The following PUSL1 variants were observed in gnomAD, a reference collection of about 807,000 sequenced individuals.
PUSL1 encodes the protein pseudouridine synthase like 1, also known as tRNA pseudouridine synthase-like 1.
PUSL1 carries 51 observed loss-of-function variants against 30.7 expected under a neutral mutation model. The observed-to-expected ratio is 1.66, with a 90% CI of 1.33 to 2.10. The LOEUF is 2.10. Ranked by LOEUF, PUSL1 falls within the 30% of genes most tolerant of loss-of-function variation. PUSL1 has a pLI of 0.00. For synonymous variants in PUSL1, 290 were observed against 192.1 expected, an observed-to-expected ratio of 1.51 and a Z score of -4.21; for missense variants, 609 against 427.6, an observed-to-expected ratio of 1.42 and a Z score of -3.74.
rs746943796 is a variant in PUSL1 at position 1,311,089 on chromosome 1, G to C, written c.862+18G>C. On this transcript the variant is annotated intron_variant, in intron 7 of 7. Coordinates refer to ENST00000379031, the MANE Select transcript of PUSL1 (RefSeq NM_153339.3). The stretch of plus-strand genomic sequence containing the variant: ...GAACCTCGGTAAGAAAAACAGGCAC[G>C]AGAAGCTCCTGTCATGTGCCCAGTG... 6.3e-7 allele frequency: 1 copy of C among 1,586,158 alleles called. No individual in the cohort carries two copies. The highest frequency in any genetic ancestry group is 8.6e-7 in the Non-Finnish European group (1 of 1,162,444).
At position 1,309,720 on chromosome 1, in the gene PUSL1, C is replaced by T. The variant is rs201643214; in HGVS notation, c.513C>T (p.His171=). Residue 171 remains histidine (H), a synonymous_variant, in exon 5 of 8, where the codon CAC becomes CAT. Transcript: ENST00000379031. ...DMVAMQEAAQ[H]LLGTHDFSAF... ...TCGCCATGCAGGAAGCCGCCCAGCACCTCCTCGGCACACACGACTTCAGCG... is the reference window on the plus strand; with the variant it reads ...TCGCCATGCAGGAAGCCGCCCAGCATCTCCTCGGCACACACGACTTCAGCG... 1.2e-4 allele frequency: 189 copies of T among 1,597,986 alleles called. No individual in the cohort carries two copies. In the East Asian group the frequency reaches 3.2e-3, roughly 27 times the overall value.
At chr1:1,310,341 T>C (rs1016371065) in intron 5 of PUSL1, 6 of 439,510 alleles carry the variant, frequency 1.4e-5, no homozygotes, top group Admixed American at 1.2e-4. Flanking sequence ...TCCCAGACCC[T>C]GCACCAGGAC....
In PUSL1 at chr1:1,311,596, G is replaced by C. The variant is rs1418224486; in HGVS notation, c.*217G>C. ...ATGTACACCAAGAAGAGAGTACCAA[G>C]TAGTCTTTTGTTCAGCTTTTACTGG... On this transcript the variant is annotated 3_prime_UTR_variant, in exon 8 of 8. Transcript: ENST00000379031. The C allele has an allele frequency of 1.1e-5, 8 of 717,252 alleles. No homozygotes were observed. The African/African-American group carries it at 1.4e-4, about 12-fold the overall frequency. The allele number at this position is 717,252 out of a possible 1,614,324, so 44.4% of individuals were successfully genotyped here.
rs905444078 is a variant in PUSL1, at chr1:1,311,216, C to G, written c.863-114C>G. On this transcript the variant is annotated intron_variant, in intron 7 of 7. Transcript: ENST00000379031. Reference sequence around the variant, plus strand: ...CCAGGGCTGCAGTCCCTCAGGCCAGCCCGTAGCCCGTCCTGGGCTGGCCCA... The same window carrying G: ...CCAGGGCTGCAGTCCCTCAGGCCAGGCCGTAGCCCGTCCTGGGCTGGCCCA... The G allele has an allele frequency of 3.6e-6, 5 of 1,392,670 alleles. No homozygotes were observed. In the African/African-American group the frequency reaches 5.8e-5, roughly 16 times the overall value. 86.3% of individuals were successfully genotyped at this position (1,392,670 alleles called of 1,614,324 possible).
chr1:1,310,049 G>A (rs757448575), intron 5 of PUSL1, 198 bp downstream of exon 5: 4 of 551,164 alleles, frequency 7.3e-6, no homozygotes, highest in East Asian at 3.0e-5. Flanking sequence ...GGGGAGCGGA[G>A]AACAGGGAAG....
intron 6 of PUSL1, 107 bp from the exon 7 acceptor site, chr1:1,310,802 G>C (rs769312417): frequency 1.7e-5 from 27 of 1,609,342 alleles, no homozygotes; most frequent in Non-Finnish European, 2.5e-6. Context: ...GGAGGATGAC[G>C]GCTGTGCTGG....
intron 6 of PUSL1, 85 bp downstream of exon 6, chr1:1,310,773 G>A (rs750579456): frequency 1.2e-5 from 19 of 1,609,922 alleles, no homozygotes; most frequent in African/African-American, 9.7e-5. Context: ...GGTCGTGGGC[G>A]GCTCTGGGTC....
chr1:1,311,088 C>G lies in PUSL1; in HGVS notation c.862+17C>G, dbSNP rs370050103. ...GGAACCTCGGTAAGAAAAACAGGCA[C>G]GAGAAGCTCCTGTCATGTGCCCAGT... On this transcript the variant is annotated intron_variant, in intron 7 of 7. Transcript: ENST00000379031. 1 of 1,585,682 alleles carries G rather than the reference C, an allele frequency of 6.3e-7. No homozygotes were observed. The highest frequency in any genetic ancestry group is 8.6e-7 in the Non-Finnish European group (1 of 1,162,098).
chr1:1,309,049 C>T, intron 2 of PUSL1, 37 bp from the exon 3 acceptor site: 3 of 1,401,210 alleles, frequency 2.1e-6, no homozygotes, highest in Non-Finnish European at 2.8e-6. Flanking sequence ...GGGGTCCGGC[C>T]TCGCTCACCC....
chr1:1,310,748 G>A (rs765777809), intron 6 of PUSL1, 60 bp downstream of exon 6: 1 of 1,603,162 alleles, frequency 6.2e-7, no homozygotes, highest in South Asian at 1.1e-5. Context: ...AGGCCCCTGT[G>A]CAGTCTTGGC....
At chr1:1,310,518 G>A (rs1570690226) in intron 5 of PUSL1, 116 bp from the exon 6 acceptor site, 2 of 824,228 alleles carry the variant, frequency 2.4e-6, no homozygotes, top group East Asian at 2.4e-5. Context: ...GGCCAAGCTA[G>A]TGGGAACCAG....
At position 1,308,949 on chromosome 1, in the gene PUSL1, G is replaced by T; in HGVS notation, c.112G>T (p.Val38Phe). 1.4e-6 allele frequency: 2 copies of T among 1,421,128 alleles called. No individual in the cohort carries two copies. Among genetic ancestry groups the T allele is most frequent in the South Asian group, 1.6e-5 (1 of 63,806 alleles). 88.0% of individuals were successfully genotyped at this position (1,421,128 alleles called of 1,614,324 possible). Residue 38 changes from valine to phenylalanine, a missense_variant, in exon 2 of 8, where the codon GTC becomes TTC. By Grantham distance (50) the Val-to-Phe change is conservative. Transcript: ENST00000379031. ...GGCCGTCAGGGGCACTCAGCGCGCCGTCGGGGTCCAGAACTACCTGGAGGT... is the reference window on the plus strand; with the variant it reads ...GGCCGTCAGGGGCACTCAGCGCGCCTTCGGGGTCCAGAACTACCTGGAGGT... ...VAAVRGTQRAVGVQNYLEEAA... is the reference protein window; with the variant it reads ...VAAVRGTQRAFGVQNYLEEAA...
chr1:1,309,359 C>A lies in PUSL1; in HGVS notation c.323+86C>A. The A allele has an allele frequency of 4.1e-6, 6 of 1,472,872 alleles. No homozygotes were observed. The South Asian group carries it at 7.9e-5, about 19-fold the overall frequency. The allele number at this position is 1,472,872 out of a possible 1,614,324, so 91.2% of individuals were successfully genotyped here. A position where few individuals can be genotyped will look rare whatever the true frequency, so the allele number is the denominator to read the frequency against. ...GGAGGCTGGAGATCTGGACAGACTT[C>A]CTTGTCTGGTCGGAGCTCGAGGGGG... On this transcript the variant is annotated intron_variant, in intron 3 of 7. Coordinates refer to ENST00000379031, the MANE Select transcript of PUSL1 (RefSeq NM_153339.3).
At position 1,309,178 on chromosome 1, in the gene PUSL1, G is replaced by A. The variant is rs754914300; in HGVS notation, c.228G>A (p.Ala76=). The stretch of plus-strand genomic sequence containing the variant: ...GGGTCCACGCCCTGAGCAACGCGGC[G>A]CACCTGGACGTCCAGCGCCGCTCAG... ...DAGVHALSNA[A]HLDVQRRSGR... The change falls in exon 3 of 8, where the codon GCG becomes GCA. Residue 76 remains alanine, a synonymous_variant. Coordinates refer to ENST00000379031, the MANE Select transcript of PUSL1 (RefSeq NM_153339.3). 19 of 1,536,580 alleles carry A rather than the reference G, an allele frequency of 1.2e-5. No homozygotes were observed. In the Admixed American group the frequency reaches 3.5e-4, roughly 29 times the overall value.
rs1467189767 is a variant in PUSL1 at position 1,309,138 on chromosome 1, G to A, written c.188G>A (p.Ser63Asn). The A allele has an allele frequency of 2.0e-6, 3 of 1,529,432 alleles. No homozygotes were observed. Among genetic ancestry groups the A allele is most frequent in the South Asian group, 1.2e-5 (1 of 83,322 alleles). The allele number at this position is 1,529,432 out of a possible 1,614,324, so 94.7% of individuals were successfully genotyped here. A position where few individuals can be genotyped will look rare whatever the true frequency, so the allele number is the denominator to read the frequency against. ...GAGCCGGTCAGGTTCACCATCTCCAGCCGCACGGACGCCGGGGTCCACGCC... is the reference window on the plus strand; with the variant it reads ...GAGCCGGTCAGGTTCACCATCTCCAACCGCACGGACGCCGGGGTCCACGCC... ...SVEPVRFTIS[S>N]RTDAGVHALS... Residue 63 changes from serine (S) to asparagine (N), a missense_variant, in exon 3 of 8, where the codon AGC becomes AAC. Coordinates refer to ENST00000379031, the MANE Select transcript of PUSL1 (RefSeq NM_153339.3).
At position 1,308,608 on chromosome 1, in the gene PUSL1, G is replaced by A. The variant is rs749431836; in HGVS notation, c.-36G>A. ...CGCGCGCGCGCAGGATTCCTGCGCT[G>A]GAGGCCGCCTCTGACGCCACCGGCT... On this transcript the variant is annotated 5_prime_UTR_variant, in exon 1 of 8. Transcript: ENST00000379031. The A allele has an allele frequency of 4.4e-6, 6 of 1,355,700 alleles. No individual in the cohort carries two copies. The East Asian group carries it at 2.0e-4, about 45-fold the overall frequency. The allele number at this position is 1,355,700 out of a possible 1,614,324, so 84.0% of individuals were successfully genotyped here.
chr1:1,309,548 C>A lies in PUSL1; in HGVS notation c.418C>A (p.Arg140=), dbSNP rs1641975955. Residue 140 remains arginine (R), a synonymous_variant, in exon 4 of 8, where the codon CGG becomes AGG. Transcript: ENST00000379031. ...YLYRLATGCH[R]RDELPVFERN... ...GTACCGCCTGGCCACTGGCTGTCAC[C>A]GGCGTGATGAGCTGCCGGTGTTTGA... 6.2e-7 allele frequency: 1 copy of A among 1,611,294 alleles called. No homozygotes were observed. Among genetic ancestry groups the A allele is most frequent in the Non-Finnish European group, 8.5e-7 (1 of 1,179,566 alleles).
chr1:1,309,133 C>T lies in PUSL1; in HGVS notation c.183C>T (p.Ile61=), dbSNP rs760141691. ...LNSVEPVRFT[I]SSRTDAGVHA... ...CCGTGGAGCCGGTCAGGTTCACCAT[C>T]TCCAGCCGCACGGACGCCGGGGTCC... Residue 61 remains isoleucine (I), a synonymous_variant, in exon 3 of 8, where the codon ATC becomes ATT. Coordinates refer to ENST00000379031, the MANE Select transcript of PUSL1 (RefSeq NM_153339.3). The T allele has an allele frequency of 6.5e-6, 10 of 1,528,646 alleles. No individual in the cohort carries two copies. In the South Asian group the frequency reaches 8.4e-5, roughly 13 times the overall value. 94.7% of individuals were successfully genotyped at this position (1,528,646 alleles called of 1,614,324 possible).
Position 1,308,624 on chromosome 1 carries a change from GC to G in PUSL1, c.-18del. On this transcript the variant is annotated 5_prime_UTR_variant, in exon 1 of 8. Transcript: ENST00000379031. ...TCCTGCGCTGGAGGCCGCCTCTGAC[GC>G]CACCGGCTGGGCTCCGCCATGAGTT... 1 of 1,382,766 alleles carries G rather than the reference GC, an allele frequency of 7.2e-7. No homozygotes were observed. The highest frequency in any genetic ancestry group is 9.5e-7 in the Non-Finnish European group (1 of 1,057,538). 85.7% of individuals were successfully genotyped at this position (1,382,766 alleles called of 1,614,324 possible). A position where few individuals can be genotyped will look rare whatever the true frequency, so the allele number is the denominator to read the frequency against.
Sources: allele counts gnomAD v4.1 joint callset, GRCh38; gene constraint gnomAD v4.1.1; transcripts MANE v1.5; gene names NCBI Gene and HGNC (gene_info 2026-07-23, HGNC 2026-07-21).